JMJD1C: variants seen among roughly 807,000 people sequenced by gnomAD.
JMJD1C encodes jumonji domain containing 1C, also known as jumonji domain-containing protein 1C.
A neutral mutation model predicts 245.3 loss-of-function variants in JMJD1C; 31 were observed. The ratio of observed to expected loss-of-function variants is 0.13; its 90% CI spans 0.09 to 0.17. The LOEUF (loss-of-function observed/expected upper bound fraction) is 0.17. JMJD1C is among the 10% of genes least tolerant of loss of function. The pLI, the probability that JMJD1C is intolerant of heterozygous loss-of-function variation, is 1.00. For synonymous variants in JMJD1C, 1,057 were observed against 1,017.4 expected (o/e 1.04, Z -0.74); for missense variants, 2,691 against 3,000.2 (o/e 0.90, Z 2.41).
chr10:63,171,931 T>C (rs970337360), intron 24 of JMJD1C, among the ~76,000 whole-genome samples: 17 of 152,244 alleles, frequency 1.1e-4, no homozygotes, highest in African/African-American at 4.1e-4. Context: ...CACTTATTAC[T>C]TCCCTTGAAT....
At chr10:63,315,724 C>T (rs867062416) in intron 2 of JMJD1C, among the ~76,000 whole-genome samples, 2 of 151,504 alleles carry the variant, frequency 1.3e-5, no homozygotes, top group African/African-American at 4.9e-5. Context: ...CCTGTAGTCC[C>T]AGCTACTTGG....
chr10:63,210,748 T>A (rs1847216340), intron 8 of JMJD1C, among the ~76,000 whole-genome samples: 1 of 152,160 alleles, frequency 6.6e-6, no homozygotes, highest in African/African-American at 2.4e-5. Flanking sequence ...AACCTTGAAT[T>A]AATAATCTGA....
chr10:63,195,182 C>A (rs1023715238), intron 13 of JMJD1C, among the ~76,000 whole-genome samples: 6 of 151,946 alleles, frequency 3.9e-5, no homozygotes, highest in African/African-American at 1.5e-4. Flanking sequence ...GGTGAAACCC[C>A]ATTTTTACTA....
At chr10:63,292,417 C>T (rs1375285763) in intron 2 of JMJD1C, among the ~76,000 whole-genome samples, 1 of 151,638 alleles carries the variant, frequency 6.6e-6, no homozygotes, top group African/African-American at 2.4e-5. Context: ...TCAAGACCAG[C>T]GTGGCCAACA....
chr10:63,348,717 T>C (rs1944067078), intron 2 of JMJD1C, among the ~76,000 whole-genome samples: 1 of 152,110 alleles, frequency 6.6e-6, no homozygotes, highest in East Asian at 1.9e-4. Context: ...ATTGGAGGTG[T>C]TTGGGTCATG....
intron 2 of JMJD1C, among the ~76,000 whole-genome samples, chr10:63,268,319 T>C (rs1436949850): frequency 1.3e-5 from 2 of 150,456 alleles, no homozygotes; most frequent in Non-Finnish European, 3.0e-5. Flanking sequence ...AACACGATAC[T>C]GTTAGAAAAC....
At chr10:63,425,374 T>A (rs555474575) in intron 1 of JMJD1C, among the ~76,000 whole-genome samples, 1 of 152,228 alleles carries the variant, frequency 6.6e-6, no homozygotes, top group Non-Finnish European at 1.5e-5. Flanking sequence ...TTAGATCTTA[T>A]GAGATTAAAA....
intron 1 of JMJD1C, among the ~76,000 whole-genome samples, chr10:63,496,826 TC>T (rs1250887783): frequency 6.6e-6 from 1 of 152,224 alleles, no homozygotes; most frequent in Non-Finnish European, 1.5e-5. Context: ...GTGACATATG[TC>T]AGTTCTGAGC....
chr10:63,185,764 G>A (rs930051070), intron 19 of JMJD1C, 111 bp from the exon 20 acceptor site: 5 of 683,528 alleles, frequency 7.3e-6, no homozygotes, highest in Non-Finnish European at 1.3e-5. Flanking sequence ...CACATTACAT[G>A]CTTAATGATT....
chr10:63,484,236 G>GGATGGATAGATAGATAGATA (rs1416097314), intron 1 of JMJD1C, among the ~76,000 whole-genome samples: 1 of 92,632 alleles, frequency 1.1e-5, no homozygotes, highest in African/African-American at 3.1e-5. Context: ...ATGGATGGAT[G>GGATGGATAGATAGATAGATA]GATAGATAGA....
At chr10:63,398,146 C>A (rs1223066994) in intron 1 of JMJD1C, among the ~76,000 whole-genome samples, 2 of 152,092 alleles carry the variant, frequency 1.3e-5, no homozygotes, top group African/African-American at 4.8e-5. Flanking sequence ...TCAAGTTTCC[C>A]AGGTTGGGTT....
chr10:63,200,823 G>T, intron 10 of JMJD1C, 146 bp from the exon 11 acceptor site: 1 of 668,666 alleles, frequency 1.5e-6, no homozygotes, highest in Non-Finnish European at 2.5e-6. Flanking sequence ...TCTAGGTACT[G>T]ATTAATGACT....
At chr10:63,285,080 A>G (rs1857836003) in intron 2 of JMJD1C, among the ~76,000 whole-genome samples, 1 of 152,170 alleles carries the variant, frequency 6.6e-6, no homozygotes. Flanking sequence ...CAGTGACCCT[A>G]CAAGCACCAC....
At chr10:63,269,097 A>G (rs1855980937) in intron 2 of JMJD1C, 1 of 985,328 alleles carries the variant, frequency 1.0e-6, no homozygotes, top group Non-Finnish European at 1.2e-6. Context: ...TTACATAACC[A>G]GTAAGATACT....
At chr10:63,389,220 G>A (rs1157084640) in intron 1 of JMJD1C, among the ~76,000 whole-genome samples, 1 of 149,144 alleles carries the variant, frequency 6.7e-6, no homozygotes, top group South Asian at 2.1e-4. Flanking sequence ...GCTGAGGCAG[G>A]AGAACCGCTT....
intron 2 of JMJD1C, among the ~76,000 whole-genome samples, chr10:63,346,255 G>A (rs1416477862): frequency 6.6e-6 from 1 of 152,148 alleles, no homozygotes; most frequent in Non-Finnish European, 1.5e-5. Flanking sequence ...ACAAGATACA[G>A]AGATTTCTCT....
chr10:63,329,940 C>A (rs1333616126), intron 2 of JMJD1C, among the ~76,000 whole-genome samples: 1 of 152,184 alleles, frequency 6.6e-6, no homozygotes, highest in Non-Finnish European at 1.5e-5. Context: ...CTCGCTCTGT[C>A]GCCCAGGCTG....
chr10:63,237,975 C>A (rs1285447542), intron 3 of JMJD1C, among the ~76,000 whole-genome samples: 7 of 134,998 alleles, frequency 5.2e-5, no homozygotes, highest in Non-Finnish European at 9.1e-5. Flanking sequence ...TAGAGACCAG[C>A]CTGGCCAACA....
At chr10:63,220,839 T>C (rs1372527683) in intron 3 of JMJD1C, among the ~76,000 whole-genome samples, 1 of 152,050 alleles carries the variant, frequency 6.6e-6, no homozygotes, top group Admixed American at 6.5e-5. Flanking sequence ...CCGGGCGCGG[T>C]GGCTCACGCC....
Sources: allele counts gnomAD v4.1 joint callset (sites outside exome capture counted in the v4.1 genomes callset), GRCh38; gene constraint gnomAD v4.1.1; transcripts MANE v1.5; gene names NCBI Gene and HGNC (gene_info 2026-07-23, HGNC 2026-07-21).